Variants in TLL1 observed in about 807,000 individuals in gnomAD.
TLL1 encodes the protein tolloid-like protein 1.
Under a neutral mutation model 128.2 loss-of-function variants are expected in TLL1, and 49 were observed. The observed-to-expected ratio is 0.38, with a 90% CI of 0.30 to 0.48. TLL1 has a LOEUF of 0.48. Among genes scored for constraint, TLL1 ranks in the 20% least tolerant of loss-of-function variants. The pLI is 0.96. For synonymous variants in TLL1, 454 were observed against 418.8 expected, an observed-to-expected ratio of 1.08 and a Z score of -1.03; for missense variants, 1,123 against 1,242.0, an observed-to-expected ratio of 0.90 and a Z score of 1.44.
chr4:166,049,221 C>A (rs2111102696), intron 12 of TLL1, among the ~76,000 whole-genome samples: 1 of 152,242 alleles, frequency 6.6e-6, no homozygotes, highest in African/African-American at 2.4e-5. Flanking sequence ...AATCAACTTG[C>A]CCAAGGTTGC....
At chr4:165,944,184 C>G (rs1313797672) in intron 1 of TLL1, among the ~76,000 whole-genome samples, 3 of 152,102 alleles carry the variant, frequency 2.0e-5, no homozygotes, top group Non-Finnish European at 4.4e-5. Context: ...TTTTGACATT[C>G]TATTGCTCTT....
At chr4:166,021,814 G>T (rs1738251612) in intron 8 of TLL1, among the ~76,000 whole-genome samples, 1 of 152,018 alleles carries the variant, frequency 6.6e-6, no homozygotes, top group South Asian at 2.1e-4. Context: ...CAGCTTGCAG[G>T]ACTCCTGTTG....
Position 166,076,261 on chromosome 4 carries a change from C to T in TLL1, c.2314+1258C>T, listed in dbSNP as rs138679187. 6.5e-3 allele frequency among the ~76,000 whole-genome samples: 985 copies of T among 152,126 alleles called. 10 individuals carry two copies. The highest frequency in any genetic ancestry group is 0.022 in the African/African-American group (925 of 41,508). ...CTAATTTCTGTATTTTTTGTAGAGA[C>T]GGGTTTTTGCCATGTTGCCCAGGCT... is the stretch of plus-strand genomic sequence containing the variant. On this transcript the variant is annotated intron_variant, in intron 17 of 20. Coordinates refer to ENST00000061240, the MANE Select transcript of TLL1 (RefSeq NM_012464.5).
chr4:165,994,277 C>CA (rs1736764010), intron 3 of TLL1, 104 bp from the exon 4 acceptor site: 3 of 1,402,768 alleles, frequency 2.1e-6, no homozygotes, highest in East Asian at 2.3e-5. Context: ...GGCATTTATA[C>CA]AAAAAATATG....
Position 165,925,477 on chromosome 4 carries a change from T to A in TLL1, c.169+51404T>A, listed in dbSNP as rs192819369. ...AGTAAAACCTGAAGATGTGACTGAT[T>A]TGCTGCAATCCCATGATAAAACTTG... is the stretch of plus-strand genomic sequence containing the variant. On this transcript the variant is annotated intron_variant, in intron 1 of 20. Coordinates refer to ENST00000061240, the MANE Select transcript of TLL1 (RefSeq NM_012464.5). 5.9e-5 allele frequency among the ~76,000 whole-genome samples: 9 copies of A among 152,288 alleles called. No individual in the cohort carries two copies. In the East Asian group the frequency reaches 1.5e-3, roughly 26 times the overall value.
intron 1 of TLL1, among the ~76,000 whole-genome samples, chr4:165,897,277 T>G (rs1156332786): frequency 2.0e-5 from 3 of 152,176 alleles, no homozygotes; most frequent in Non-Finnish European, 2.9e-5. Flanking sequence ...TTGCTTTTGG[T>G]GTTTTAGTCG....
At chr4:165,961,108 C>T (rs1363206307) in intron 1 of TLL1, among the ~76,000 whole-genome samples, 1 of 152,092 alleles carries the variant, frequency 6.6e-6, no homozygotes, top group Non-Finnish European at 1.5e-5. Flanking sequence ...AACTGATAAA[C>T]AACTTCAGTA....
intron 18 of TLL1, among the ~76,000 whole-genome samples, chr4:166,083,923 C>T (rs1358968727): frequency 1.3e-5 from 2 of 152,080 alleles, no homozygotes; most frequent in African/African-American, 4.8e-5. Flanking sequence ...AATTGCTGGA[C>T]CATAGAGTAA....
At chr4:166,010,654 T>A (rs1160311107) in intron 7 of TLL1, among the ~76,000 whole-genome samples, 5 of 151,178 alleles carry the variant, frequency 3.3e-5, no homozygotes, top group Non-Finnish European at 7.4e-5. Context: ...ATGTTTGATG[T>A]CATCCTGTTT....
At chr4:165,933,208 T>C (rs1320601217) in intron 1 of TLL1, among the ~76,000 whole-genome samples, 1 of 152,168 alleles carries the variant, frequency 6.6e-6, no homozygotes, top group Non-Finnish European at 1.5e-5. Context: ...GTGGATTCAC[T>C]TCCCTGTCAG....
intron 1 of TLL1, among the ~76,000 whole-genome samples, chr4:165,948,733 C>T (rs2065598252): frequency 6.6e-6 from 1 of 152,110 alleles, no homozygotes; most frequent in Non-Finnish European, 1.5e-5. Context: ...TTAAAGTCCC[C>T]ACCTCTCAAT....
At chr4:165,889,046 T>C (rs1731280624) in intron 1 of TLL1, among the ~76,000 whole-genome samples, 1 of 152,212 alleles carries the variant, frequency 6.6e-6, no homozygotes, top group African/African-American at 2.4e-5. Flanking sequence ...CTGTCATCTA[T>C]TGATACATTC....
At chr4:166,014,251 C>T (rs1163730183) in intron 7 of TLL1, among the ~76,000 whole-genome samples, 185 bp from the exon 8 acceptor site, 1 of 151,936 alleles carries the variant, frequency 6.6e-6, no homozygotes, top group Admixed American at 6.6e-5. Flanking sequence ...TAGGCATACA[C>T]ATTTAACATG....
At chr4:166,044,473 C>A (rs1739370768) in intron 12 of TLL1, 5 of 1,484,084 alleles carry the variant, frequency 3.4e-6, no homozygotes, top group South Asian at 2.4e-5. Flanking sequence ...TGTCCCCTTG[C>A]ATGTACCATT....
chr4:165,997,904 C>A (rs182571521), intron 5 of TLL1, among the ~76,000 whole-genome samples: 396 of 152,182 alleles, frequency 2.6e-3, no homozygotes, highest in African/African-American at 5.0e-3. Context: ...TATGCTTTAA[C>A]CCTCACCCTT....
intron 1 of TLL1, among the ~76,000 whole-genome samples, chr4:165,950,836 T>C (rs973840980): frequency 6.6e-6 from 1 of 152,020 alleles, no homozygotes; most frequent in Non-Finnish European, 1.5e-5. Context: ...AATTTTAGCT[T>C]CTACCTACAG....
chr4:165,998,196 ATG>A (rs1454635375), intron 5 of TLL1, among the ~76,000 whole-genome samples: 3 of 152,156 alleles, frequency 2.0e-5, no homozygotes, highest in African/African-American at 7.2e-5. Flanking sequence ...TATTAGCAAA[ATG>A]TGAGATTATT....
At chr4:165,978,198 T>A (rs1313461275) in intron 1 of TLL1, among the ~76,000 whole-genome samples, 1 of 152,128 alleles carries the variant, frequency 6.6e-6, no homozygotes, top group African/African-American at 2.4e-5. Flanking sequence ...TCCAAAAAGC[T>A]CTGATTTTTT....
intron 1 of TLL1, among the ~76,000 whole-genome samples, chr4:165,899,098 G>T (rs561698419): frequency 3.3e-5 from 5 of 151,678 alleles, no homozygotes; most frequent in South Asian, 2.1e-4. Context: ...TTTTTTTATT[G>T]TGTCTATTTG....
Sources: allele counts gnomAD v4.1 joint callset (sites outside exome capture counted in the v4.1 genomes callset), GRCh38; gene constraint gnomAD v4.1.1; transcripts MANE v1.5; gene names NCBI Gene and HGNC (gene_info 2026-07-23, HGNC 2026-07-21).